Variants in CNTN4 observed in about 807,000 individuals in gnomAD.
The protein encoded by CNTN4 is contactin 4, also known as contactin-4.
CNTN4 carries 77 observed loss-of-function variants against 122.5 expected under a neutral mutation model. The observed-to-expected ratio is 0.63, with a 90% CI of 0.52 to 0.76. CNTN4 has a LOEUF of 0.76. CNTN4 is among the 30% of genes least tolerant of loss of function. The pLI is 0.00. For synonymous variants in CNTN4, 512 were observed against 447.0 expected, an observed-to-expected ratio of 1.15 and a Z score of -1.83; for missense variants, 1,256 against 1,259.1, an observed-to-expected ratio of 1.00 and a Z score of 0.04.
intron 2 of CNTN4, among the ~76,000 whole-genome samples, chr3:2,172,053 T>C (rs2036540514): frequency 6.6e-6 from 1 of 152,238 alleles, no homozygotes; most frequent in African/African-American, 2.4e-5. Context: ...GAACCACTGC[T>C]CTGCTGCATC....
chr3:2,429,756 G>T (rs2151186763), intron 3 of CNTN4, among the ~76,000 whole-genome samples: 1 of 152,274 alleles, frequency 6.6e-6, no homozygotes, highest in East Asian at 1.9e-4. Flanking sequence ...TTGCTGCTTT[G>T]TTTACCTACT....
intron 3 of CNTN4, among the ~76,000 whole-genome samples, chr3:2,353,565 A>G (rs529528691): frequency 6.6e-6 from 1 of 152,254 alleles, no homozygotes; most frequent in Non-Finnish European, 1.5e-5. Context: ...GAGGCCAGCG[A>G]GACCACGAAC....
At chr3:2,860,800 C>T (rs545568657) in intron 7 of CNTN4, among the ~76,000 whole-genome samples, 11 of 152,270 alleles carry the variant, frequency 7.2e-5, no homozygotes, top group Non-Finnish European at 1.5e-4. Context: ...TCATTCTCTT[C>T]TTGAGAGAGC....
chr3:3,018,043 T>C (rs1213505620), intron 14 of CNTN4, among the ~76,000 whole-genome samples: 1 of 152,178 alleles, frequency 6.6e-6, no homozygotes, highest in East Asian at 1.9e-4. Context: ...CTGGAAACTG[T>C]GGTGTTTCCA....
intron 4 of CNTN4, among the ~76,000 whole-genome samples, chr3:2,624,722 C>T (rs2082118151): frequency 6.6e-6 from 1 of 150,526 alleles, no homozygotes; most frequent in South Asian, 2.1e-4. Context: ...ACCTCCGCCT[C>T]CCGGGTTCAA....
At chr3:2,441,233 C>T (rs1172739379) in intron 3 of CNTN4, among the ~76,000 whole-genome samples, 1 of 151,994 alleles carries the variant, frequency 6.6e-6, no homozygotes, top group Non-Finnish European at 1.5e-5. Flanking sequence ...TGGAAAAATC[C>T]GAGGGAGCTC....
At chr3:2,757,167 A>G (rs539963245) in intron 6 of CNTN4, among the ~76,000 whole-genome samples, 13 of 152,290 alleles carry the variant, frequency 8.5e-5, no homozygotes, top group Non-Finnish European at 1.9e-4. Context: ...AGAGCATAAC[A>G]GAGTTTTGAA....
At chr3:2,794,902 G>A (rs1465265684) in intron 6 of CNTN4, among the ~76,000 whole-genome samples, 1 of 152,066 alleles carries the variant, frequency 6.6e-6, no homozygotes, top group Non-Finnish European at 1.5e-5. Flanking sequence ...CCTATTAGGG[G>A]ACTAATCCCA....
chr3:2,242,658 C>G (rs567980648), intron 2 of CNTN4, among the ~76,000 whole-genome samples: 24 of 152,212 alleles, frequency 1.6e-4, no homozygotes, highest in Admixed American at 3.9e-4. Context: ...TTCCTGTGCT[C>G]TATTGAGTGT....
chr3:2,367,954 T>A (rs1042224875), intron 3 of CNTN4, among the ~76,000 whole-genome samples: 1 of 152,140 alleles, frequency 6.6e-6, no homozygotes, highest in African/African-American at 2.4e-5. Flanking sequence ...CTACATTTAT[T>A]TAAGCATGAA....
At chr3:2,468,559 C>A (rs986219673) in intron 3 of CNTN4, among the ~76,000 whole-genome samples, 1 of 152,096 alleles carries the variant, frequency 6.6e-6, no homozygotes, top group Admixed American at 6.6e-5. Flanking sequence ...CTACATCAGT[C>A]AGAATGTGTT....
Position 2,621,368 on chromosome 3 carries a change from A to C in CNTN4, c.55+49810A>C, listed in dbSNP as rs966828448. Among the ~76,000 whole-genome samples the C allele has an allele frequency of 7.2e-5, 11 of 152,216 alleles. 1 individual carries two copies. The highest frequency in any genetic ancestry group is 2.6e-4 in the African/African-American group (11 of 41,516). ...TAATTGTTTGTGATAACACCTGGAG[A>C]GGTCTTAACTTTTGTATCTTATAAA... On this transcript the variant is annotated intron_variant, in intron 4 of 24. Transcript: ENST00000418658.
chr3:2,655,110 G>A (rs570803618), intron 4 of CNTN4, among the ~76,000 whole-genome samples: 2 of 152,270 alleles, frequency 1.3e-5, no homozygotes, highest in South Asian at 4.1e-4. Flanking sequence ...CACCCTATAA[G>A]TGATATAAAT....
At chr3:2,155,542 C>G (rs1416639734) in intron 2 of CNTN4, among the ~76,000 whole-genome samples, 1 of 152,194 alleles carries the variant, frequency 6.6e-6, no homozygotes, top group African/African-American at 2.4e-5. Flanking sequence ...TGACTGAAAA[C>G]TGTTTTTAAG....
intron 4 of CNTN4, among the ~76,000 whole-genome samples, chr3:2,707,977 C>T (rs1175910215): frequency 6.6e-6 from 1 of 152,088 alleles, no homozygotes; most frequent in Non-Finnish European, 1.5e-5. Flanking sequence ...TCCCATAAGT[C>T]ATTTTGATAT....
chr3:2,425,248 TA>T (rs2047778258), intron 3 of CNTN4, among the ~76,000 whole-genome samples: 3 of 152,340 alleles, frequency 2.0e-5, no homozygotes, highest in African/African-American at 7.2e-5. Context: ...AATTTTTGTA[TA>T]AGGTGTAAGG....
At chr3:2,331,745 A>T (rs889324997) in intron 2 of CNTN4, among the ~76,000 whole-genome samples, 2 of 152,236 alleles carry the variant, frequency 1.3e-5, no homozygotes, top group South Asian at 2.1e-4. Context: ...AACTCAGGCC[A>T]CACAGGGGCT....
chr3:2,169,398 G>C (rs2036341342), intron 2 of CNTN4, among the ~76,000 whole-genome samples: 1 of 152,016 alleles, frequency 6.6e-6, no homozygotes, highest in Non-Finnish European at 1.5e-5. Context: ...AGAACATTAG[G>C]AATGATAAAA....
chr3:3,045,530 G>T (rs1485044952), intron 23 of CNTN4, among the ~76,000 whole-genome samples: 2 of 152,206 alleles, frequency 1.3e-5, no homozygotes, highest in African/African-American at 4.8e-5. Context: ...GTCTGGAGTG[G>T]ACCTCCAGCA....
Sources: allele counts gnomAD v4.1 joint callset (sites outside exome capture counted in the v4.1 genomes callset), GRCh38; gene constraint gnomAD v4.1.1; transcripts MANE v1.5; gene names NCBI Gene and HGNC (gene_info 2026-07-23, HGNC 2026-07-21).